Variants in RACGAP1 observed in about 807,000 individuals in gnomAD.
RACGAP1 encodes rac GTPase-activating protein 1.
A neutral mutation model predicts 78.1 loss-of-function variants in RACGAP1; 30 were observed. That is an observed-to-expected ratio of 0.38 (90% CI 0.29 to 0.52). RACGAP1 has a LOEUF of 0.52. Among genes scored for constraint, RACGAP1 ranks in the 20% least tolerant of loss-of-function variants. The pLI is 0.82. For synonymous variants in RACGAP1, 231 were observed against 264.8 expected, an observed-to-expected ratio of 0.87 and a Z score of 1.24; for missense variants, 587 against 777.1, an observed-to-expected ratio of 0.76 and a Z score of 2.91.
At chr12:49,990,533 A>C in intron 16 of RACGAP1, 151 bp downstream of exon 16, 1 of 785,758 alleles carries the variant, frequency 1.3e-6, no homozygotes, top group Non-Finnish European at 2.0e-6. Context: ...GAACCTTTTT[A>C]AAGAAGGAAT....
intron 1 of RACGAP1, among the ~76,000 whole-genome samples, chr12:50,021,633 C>G (rs975601525): frequency 1.3e-5 from 2 of 152,098 alleles, no homozygotes; most frequent in African/African-American, 2.4e-5. Context: ...ATTAAGAGAC[C>G]TATATATCAG....
At chr12:49,995,033 G>A (rs1948158315) in intron 10 of RACGAP1, among the ~76,000 whole-genome samples, 1 of 152,126 alleles carries the variant, frequency 6.6e-6, no homozygotes, top group South Asian at 2.1e-4. Context: ...TTCTATATTA[G>A]AGTACAGAAC....
chr12:50,022,927 T>C (rs1950085889), intron 1 of RACGAP1, among the ~76,000 whole-genome samples: 1 of 152,224 alleles, frequency 6.6e-6, no homozygotes, highest in Admixed American at 6.5e-5. Flanking sequence ...TTTCCAACCA[T>C]CCTATTGTAA....
intron 1 of RACGAP1, chr12:50,018,647 T>C: frequency 2.0e-6 from 2 of 977,692 alleles, no homozygotes; most frequent in South Asian, 2.7e-5. Context: ...TTACTTTCTA[T>C]CATCTCGGCA....
intron 2 of RACGAP1, chr12:50,031,623 C>T: frequency 3.2e-6 from 3 of 944,362 alleles, no homozygotes; most frequent in Non-Finnish European, 3.8e-6. Flanking sequence ...GGCCTTCAAC[C>T]TTCCCTGTGC....
chr12:50,009,006 G>T (rs1296114617), intron 2 of RACGAP1, among the ~76,000 whole-genome samples: 1 of 152,002 alleles, frequency 6.6e-6, no homozygotes, highest in Non-Finnish European at 1.5e-5. Context: ...GCCGGGCACG[G>T]TGGCTCATGC....
intron 16 of RACGAP1, 104 bp downstream of exon 16, chr12:49,990,580 C>A: frequency 1.0e-6 from 1 of 961,778 alleles, no homozygotes; most frequent in Non-Finnish European, 1.6e-6. Flanking sequence ...AGTCTAGTTG[C>A]TAGCTAAAAT....
At chr12:50,002,896 C>T (rs186958289) in intron 5 of RACGAP1, among the ~76,000 whole-genome samples, 3 of 151,932 alleles carry the variant, frequency 2.0e-5, no homozygotes, top group Admixed American at 6.6e-5. Flanking sequence ...TGGTGGCGGG[C>T]GCCTGCAGTC....
At chr12:50,000,469 G>A (rs2137362732) in intron 7 of RACGAP1, among the ~76,000 whole-genome samples, 1 of 152,058 alleles carries the variant, frequency 6.6e-6, no homozygotes, top group Non-Finnish European at 1.5e-5. Context: ...ACATTCTTAT[G>A]TTGAAATCTG....
intron 12 of RACGAP1, 69 bp from the exon 13 acceptor site, chr12:49,992,724 G>C: frequency 8.3e-7 from 1 of 1,208,378 alleles, no homozygotes; most frequent in Non-Finnish European, 1.2e-6. Flanking sequence ...CCAAGTTATC[G>C]ACCACAAAGT....
chr12:50,032,529 A>C (rs1456127287), intron 1 of RACGAP1, among the ~76,000 whole-genome samples: 1 of 102,098 alleles, frequency 9.8e-6, no homozygotes, highest in Non-Finnish European at 1.8e-5. Flanking sequence ...CAGCAAAGGA[A>C]AAGGTGAGTG....
intron 2 of RACGAP1, among the ~76,000 whole-genome samples, chr12:50,015,422 C>T (rs1949601452): frequency 6.6e-6 from 1 of 152,152 alleles, no homozygotes; most frequent in South Asian, 2.1e-4. Flanking sequence ...ATAATCTCAT[C>T]ACTTTGGGAG....
At chr12:50,029,082 G>A (rs1404912638), upstream of RACGAP1, among the ~76,000 whole-genome samples, 10 of 152,030 alleles carry the variant, frequency 6.6e-5, no homozygotes, top group Admixed American at 4.6e-4. Flanking sequence ...CAGGCGTGGC[G>A]GCGTGCGCCT....
intron 2 of RACGAP1, among the ~76,000 whole-genome samples, chr12:50,016,078 A>G (rs1949658477): frequency 6.6e-6 from 1 of 151,922 alleles, no homozygotes; most frequent in African/African-American, 2.4e-5. Flanking sequence ...CAGTGGAAAA[A>G]GAATCTTGAT....
chr12:50,002,072 GAAAAAAAAAAA>G (rs79466036), intron 6 of RACGAP1, among the ~76,000 whole-genome samples, 164 bp downstream of exon 6: 1 of 87,230 alleles, frequency 1.1e-5, no homozygotes, highest in Non-Finnish European at 2.5e-5. Flanking sequence ...TCAAAAAAAA[GAAAAAAAAAAA>G]AAAAAAAGAA....
upstream of RACGAP1, among the ~76,000 whole-genome samples, chr12:50,028,040 C>G (rs1368618885): frequency 1.3e-5 from 2 of 152,080 alleles, no homozygotes; most frequent in African/African-American, 4.8e-5. Flanking sequence ...GTAACGGACT[C>G]AATGACAAGA....
rs1415135679 is a variant in RACGAP1, at chr12:49,992,539, G to C, written c.1445+11C>G. 3 of 1,611,070 alleles carry C rather than the reference G, an allele frequency of 1.9e-6. No homozygotes were observed. The South Asian group carries it at 3.3e-5, about 18-fold the overall frequency. On this transcript the variant is annotated intron_variant, in intron 13 of 16. Transcript: ENST00000312377. ...TCCCTAACTCCCAGAACAAGTTTCT[G>C]CTGTACTCACCTCTGCAAGTGAATC...
intron 1 of RACGAP1, 187 bp downstream of exon 1, chr12:50,025,211 C>A (rs1950222818): frequency 1.3e-6 from 1 of 749,212 alleles, no homozygotes; most frequent in East Asian, 1.3e-4. Context: ...CCTCCCAGGC[C>A]GCGTCCATTC....
intron 12 of RACGAP1, among the ~76,000 whole-genome samples, chr12:49,993,820 G>A (rs1437494536): frequency 6.6e-6 from 1 of 151,728 alleles, no homozygotes; most frequent in African/African-American, 2.4e-5. Context: ...GCCGAGGCAG[G>A]CAAATCACAG....
Sources: gnomAD v4.1 joint callset for allele counts (sites outside exome capture counted in the v4.1 genomes callset) on GRCh38, gnomAD v4.1.1 for gene constraint, MANE v1.5 for transcripts, NCBI Gene and HGNC (gene_info 2026-07-23, HGNC 2026-07-21) for gene names.